Variants in RPH3A observed in about 807,000 individuals in gnomAD.
The protein encoded by RPH3A is rabphilin 3A, also known as rabphilin-3A.
A neutral mutation model predicts 102.2 loss-of-function variants in RPH3A; 48 were observed. The observed-to-expected ratio is 0.47, with a 90% CI of 0.37 to 0.60. The LOEUF is 0.60. RPH3A is among the 20% of genes least tolerant of loss of function. RPH3A has a pLI of 0.00. For missense variants in RPH3A, 781 were observed against 910.1 expected, an observed-to-expected ratio of 0.86 and a Z score of 1.83; for synonymous variants, 310 against 324.3, an observed-to-expected ratio of 0.96 and a Z score of 0.47.
chr12:112,780,877 G>A (rs948601344), intron 1 of RPH3A, among the ~76,000 whole-genome samples: 2 of 152,122 alleles, frequency 1.3e-5, no homozygotes, highest in Admixed American at 6.6e-5. Context: ...TCTGGTAGCC[G>A]GGCATGGTGG....
intron 1 of RPH3A, among the ~76,000 whole-genome samples, chr12:112,686,813 A>G (rs965084738): frequency 1.3e-4 from 20 of 152,230 alleles, no homozygotes; most frequent in African/African-American, 4.6e-4. Flanking sequence ...CCATGGCTCT[A>G]TACATTTTCA....
Position 112,753,999 on chromosome 12 carries a change from G to T in RPH3A, c.-139-38144G>T, listed in dbSNP as rs535243619. 7.2e-5 allele frequency among the ~76,000 whole-genome samples: 11 copies of T among 152,278 alleles called. No homozygotes were observed. In the South Asian group the frequency reaches 1.7e-3, roughly 23 times the overall value. Reference sequence around the variant, plus strand: ...GAGTTATGTGCCACCATGAGTCAAGGTGTGTAGGTGTCCTCTAGAAGCTGG... The same window carrying T: ...GAGTTATGTGCCACCATGAGTCAAGTTGTGTAGGTGTCCTCTAGAAGCTGG... On this transcript the variant is annotated intron_variant, in intron 1 of 21. Transcript: ENST00000543106.
intron 16 of RPH3A, among the ~76,000 whole-genome samples, chr12:112,883,985 G>T (rs965143930): frequency 6.6e-6 from 1 of 152,028 alleles, no homozygotes; most frequent in Non-Finnish European, 1.5e-5. Context: ...CTGTTTCTAG[G>T]TGCACAGGTG....
chr12:112,877,419 T>TATACACACACACAC (rs2042823805), intron 13 of RPH3A, among the ~76,000 whole-genome samples: 1 of 141,564 alleles, frequency 7.1e-6, no homozygotes, highest in African/African-American at 2.7e-5. Context: ...CACACACGTA[T>TATACACACACACAC]ACACACACAC....
intron 1 of RPH3A, among the ~76,000 whole-genome samples, chr12:112,705,246 C>T (rs2040420460): frequency 6.6e-6 from 1 of 152,178 alleles, no homozygotes; most frequent in South Asian, 2.1e-4. Flanking sequence ...ATCCTGTTGA[C>T]TGGAATCAGT....
intron 1 of RPH3A, among the ~76,000 whole-genome samples, chr12:112,667,662 A>G (rs1049805217): frequency 1.2e-4 from 9 of 72,770 alleles, no homozygotes; most frequent in Non-Finnish European, 2.6e-4. Context: ...GAGATGAATA[A>G]AGAGAGAGAG....
chr12:112,869,677 C>T, intron 8 of RPH3A, 82 bp from the exon 9 acceptor site: 1 of 1,308,192 alleles, frequency 7.6e-7, no homozygotes, highest in Non-Finnish European at 1.1e-6. Context: ...AGTCAATGAA[C>T]CCCTTTGTAG....
chr12:112,872,929 A>G (rs1256604657), intron 10 of RPH3A, among the ~76,000 whole-genome samples: 1 of 152,196 alleles, frequency 6.6e-6, no homozygotes, highest in African/African-American at 2.4e-5. Context: ...GGTGAGACGC[A>G]GCCCTAATGC....
rs533446336 is a variant in RPH3A at position 112,867,270 on chromosome 12, C to T, written c.444+430C>T. Among the ~76,000 whole-genome samples the T allele has an allele frequency of 1.6e-4, 24 of 152,150 alleles. No individual in the cohort carries two copies. The South Asian group carries it at 1.7e-3, about 11-fold the overall frequency. The stretch of plus-strand genomic sequence containing the variant: ...TTCTCACATCTTCACACCCTTTTCT[C>T]GGCGATTTCTCTTTACTTTGTCCTC... On this transcript the variant is annotated intron_variant, in intron 7 of 21. Coordinates refer to ENST00000389385, the MANE Select transcript of RPH3A (RefSeq NM_001143854.2).
intron 1 of RPH3A, among the ~76,000 whole-genome samples, chr12:112,635,534 G>A (rs1404719887): frequency 2.6e-5 from 4 of 152,192 alleles, no homozygotes; most frequent in Non-Finnish European, 2.9e-5. Context: ...GGTCATTAAT[G>A]TTATTTTTAT....
At chr12:112,724,742 G>A (rs919261484) in intron 1 of RPH3A, among the ~76,000 whole-genome samples, 2 of 152,202 alleles carry the variant, frequency 1.3e-5, no homozygotes, top group African/African-American at 4.8e-5. Flanking sequence ...GCTGAGCTGG[G>A]TGGATCACTT....
At chr12:112,807,850 C>T (rs1593024405) in intron 2 of RPH3A, among the ~76,000 whole-genome samples, 2 of 152,146 alleles carry the variant, frequency 1.3e-5, no homozygotes, top group East Asian at 3.8e-4. Flanking sequence ...CCTCCTCCTT[C>T]TCCATTTTCC....
At chr12:112,667,755 G>C (rs1353235505) in intron 1 of RPH3A, among the ~76,000 whole-genome samples, 1 of 151,092 alleles carries the variant, frequency 6.6e-6, no homozygotes, top group Non-Finnish European at 1.5e-5. Context: ...GAATTGTTTA[G>C]AGCAGGCCAC....
At chr12:112,583,828 T>C (rs2039417797) in intron 1 of RPH3A, among the ~76,000 whole-genome samples, 1 of 151,996 alleles carries the variant, frequency 6.6e-6, no homozygotes, top group Non-Finnish European at 1.5e-5. Context: ...TTACTAAAAA[T>C]ACAAAAATTA....
chr12:112,766,597 A>AGCCACTCTAGATACTACAGTC (rs1196611324), intron 1 of RPH3A, among the ~76,000 whole-genome samples: 17 of 152,182 alleles, frequency 1.1e-4, no homozygotes, highest in African/African-American at 3.9e-4. Flanking sequence ...AACCTGCAGA[A>AGCCACTCTAGATACTACAGTC]GCCACTCTAG....
intron 1 of RPH3A, among the ~76,000 whole-genome samples, chr12:112,728,541 G>A (rs567852947): frequency 2.6e-5 from 4 of 152,032 alleles, no homozygotes; most frequent in Non-Finnish European, 2.9e-5. Flanking sequence ...GAACTATAAA[G>A]ACTTAAGAAT....
chr12:112,592,237 C>G (rs1050065950), intron 1 of RPH3A, among the ~76,000 whole-genome samples: 1 of 151,900 alleles, frequency 6.6e-6, no homozygotes, highest in African/African-American at 2.4e-5. Flanking sequence ...ATTAGCCAGT[C>G]TCATAACCTG....
At chr12:112,767,317 C>G (rs967106758) in intron 1 of RPH3A, among the ~76,000 whole-genome samples, 1 of 152,118 alleles carries the variant, frequency 6.6e-6, no homozygotes, top group Non-Finnish European at 1.5e-5. Context: ...CCTCTCCTAC[C>G]CCTTATTGTC....
Position 112,672,585 on chromosome 12 carries a change from G to A in RPH3A, c.-140+97266G>A, listed in dbSNP as rs765121909. 9.9e-5 allele frequency among the ~76,000 whole-genome samples: 15 copies of A among 152,106 alleles called. 1 individual carries two copies. The highest frequency in any genetic ancestry group is 1.5e-4 in the Non-Finnish European group (10 of 68,016). On this transcript the variant is annotated intron_variant, in intron 1 of 21. Transcript: ENST00000543106. ...ATGGCACACAGCTGCAGGTGCCTTG[G>A]TGCTCTCCCTATGGCCTCCTAGCAC...
Sources: gnomAD v4.1 joint callset for allele counts (sites outside exome capture counted in the v4.1 genomes callset) on GRCh38, gnomAD v4.1.1 for gene constraint, MANE v1.5 for transcripts, NCBI Gene and HGNC (gene_info 2026-07-23, HGNC 2026-07-21) for gene names.